The following ENTREP2 variants were observed in gnomAD, a reference collection of about 807,000 sequenced individuals.
ENTREP2 encodes the protein protein ENTREP2.
chr15:29,176,898 T>C, the ENTREP2 span, among the ~76,000 whole-genome samples: 3 of 152,218 alleles, frequency 2.0e-5, no homozygotes, highest in African/African-American at 7.2e-5. Context: ...CTCAGTCCTG[T>C]CCCCTGCTGC....
the ENTREP2 span, among the ~76,000 whole-genome samples, chr15:29,615,066 C>G: frequency 1.3e-5 from 2 of 152,118 alleles, no homozygotes; most frequent in Non-Finnish European, 2.9e-5. Context: ...CAGCATTATC[C>G]CATTTTCAGT....
the ENTREP2 span, among the ~76,000 whole-genome samples, chr15:29,274,258 C>A: frequency 4.6e-5 from 7 of 152,166 alleles, no homozygotes; most frequent in Non-Finnish European, 1.0e-4. Flanking sequence ...CACAACAAAC[C>A]TATCAGGCAT....
chr15:29,192,352 GA>G, the ENTREP2 span, among the ~76,000 whole-genome samples: 1 of 152,128 alleles, frequency 6.6e-6, no homozygotes, highest in Non-Finnish European at 1.5e-5. Flanking sequence ...CACCCAGGGG[GA>G]AAAATGATGT....
At chr15:29,215,394 G>C in the ENTREP2 span, among the ~76,000 whole-genome samples, 1 of 152,034 alleles carries the variant, frequency 6.6e-6, no homozygotes, top group Non-Finnish European at 1.5e-5. Flanking sequence ...GTGAAAAGGA[G>C]AGACTGGCCT....
At chr15:29,252,472 AG>A in the ENTREP2 span, 1 of 1,542,828 alleles carries the variant, frequency 6.5e-7, no homozygotes, top group Non-Finnish European at 8.8e-7. Flanking sequence ...AGCATGAAAA[AG>A]GTTATCTGGA....
chr15:29,199,759 A>G, the ENTREP2 span, among the ~76,000 whole-genome samples: 16 of 152,282 alleles, frequency 1.1e-4, no homozygotes, highest in East Asian at 5.8e-4. Flanking sequence ...GCCAACTTAC[A>G]TATTTTTGCT....
At chr15:29,386,733 C>CA in the ENTREP2 span, among the ~76,000 whole-genome samples, 3 of 152,166 alleles carry the variant, frequency 2.0e-5, no homozygotes, top group Non-Finnish European at 4.4e-5. Context: ...GGTAGCTCTA[C>CA]ACGAGGAGAA....
the ENTREP2 span, among the ~76,000 whole-genome samples, chr15:29,354,998 G>C: frequency 3.9e-5 from 6 of 152,230 alleles, no homozygotes; most frequent in East Asian, 9.7e-4. Flanking sequence ...GCAGCACTGA[G>C]GGGAGACTGG....
chr15:29,158,596 G>A, the ENTREP2 span, among the ~76,000 whole-genome samples: 254 of 152,134 alleles, frequency 1.7e-3, no homozygotes, highest in African/African-American at 5.7e-3. Flanking sequence ...TTTTTAAGTA[G>A]AGATAGGGTT....
the ENTREP2 span, among the ~76,000 whole-genome samples, chr15:29,667,420 C>T: frequency 6.6e-6 from 1 of 151,148 alleles, no homozygotes; most frequent in African/African-American, 2.4e-5. Flanking sequence ...AATCTCCTGA[C>T]CTCATGATCT....
chr15:29,581,866 G>A, the ENTREP2 span, among the ~76,000 whole-genome samples: 58 of 151,972 alleles, frequency 3.8e-4, 1 homozygote, highest in Non-Finnish European at 3.4e-4. Context: ...ATATATTGTG[G>A]TGTTGGCAGA....
the ENTREP2 span, among the ~76,000 whole-genome samples, chr15:29,339,639 C>T: frequency 6.6e-6 from 1 of 152,206 alleles, no homozygotes; most frequent in African/African-American, 2.4e-5. Flanking sequence ...CCCAGCAGCA[C>T]TCCAATTTAC....
the ENTREP2 span, among the ~76,000 whole-genome samples, chr15:29,455,166 C>G: frequency 3.9e-5 from 6 of 152,290 alleles, no homozygotes; most frequent in Admixed American, 3.9e-4. Flanking sequence ...GATGAGACTA[C>G]AAAGCCCATC....
At chr15:29,234,201 G>C in the ENTREP2 span, 2 of 1,607,418 alleles carry the variant, frequency 1.2e-6, no homozygotes, top group African/African-American at 2.7e-5. Flanking sequence ...CAATCACCAC[G>C]AAGGCTCAAA....
chr15:29,563,441 A>G, the ENTREP2 span, among the ~76,000 whole-genome samples: 1 of 151,950 alleles, frequency 6.6e-6, no homozygotes, highest in Non-Finnish European at 1.5e-5. Context: ...TTAAGTCTTC[A>G]TTTTTGAAAC....
the ENTREP2 span, chr15:29,151,829 T>C: frequency 3.2e-6 from 5 of 1,551,302 alleles, no homozygotes; most frequent in South Asian, 4.8e-5. Flanking sequence ...GCACACACGC[T>C]GAAGAGGAGA....
At chr15:29,615,092 C>T in the ENTREP2 span, among the ~76,000 whole-genome samples, 2 of 151,952 alleles carry the variant, frequency 1.3e-5, no homozygotes, top group African/African-American at 2.4e-5. Context: ...TTGGAGGAGT[C>T]GCCCCGCTTC....
the ENTREP2 span, among the ~76,000 whole-genome samples, chr15:29,369,800 ATTAAC>A: frequency 2.0e-5 from 3 of 152,260 alleles, no homozygotes; most frequent in Non-Finnish European, 2.9e-5. Flanking sequence ...TTAAGAAATG[ATTAAC>A]TTAAGTTGGA....
chr15:29,562,842 G>C, the ENTREP2 span, among the ~76,000 whole-genome samples: 20 of 152,072 alleles, frequency 1.3e-4, no homozygotes, highest in Non-Finnish European at 2.5e-4. Flanking sequence ...CCAGACTGGA[G>C]TGCAGTGGTG....
Sources: allele counts gnomAD v4.1 joint callset (sites outside exome capture counted in the v4.1 genomes callset), GRCh38; gene constraint gnomAD v4.1.1; transcripts MANE v1.5; gene names NCBI Gene and HGNC (gene_info 2026-07-23, HGNC 2026-07-21).